The following ESRRB variants were observed in gnomAD, a reference collection of about 807,000 sequenced individuals.
ESRRB encodes the protein steroid hormone receptor ERR2.
ESRRB carries 16 observed loss-of-function variants against 46.0 expected under a neutral mutation model. The observed-to-expected ratio is 0.35, with a 90% CI of 0.24 to 0.53. ESRRB has a LOEUF of 0.53. Ranked by LOEUF, ESRRB falls within the 20% of genes least tolerant of loss-of-function variation. The pLI, the probability that ESRRB is intolerant of heterozygous loss-of-function variation, is 0.93. For synonymous variants in ESRRB, 246 were observed against 259.6 expected, an observed-to-expected ratio of 0.95 and a Z score of 0.50; for missense variants, 488 against 607.4, an observed-to-expected ratio of 0.80 and a Z score of 2.07.
upstream of ESRRB, among the ~76,000 whole-genome samples, chr14:76,372,080 A>G (rs541927183): frequency 1.3e-5 from 2 of 152,272 alleles, no homozygotes; most frequent in South Asian, 2.1e-4. Context: ...GTTAGACTGC[A>G]TATATCATGA....
At chr14:76,421,689 G>A (rs910958633) in intron 1 of ESRRB, among the ~76,000 whole-genome samples, 31 of 152,180 alleles carry the variant, frequency 2.0e-4, no homozygotes, top group Admixed American at 3.9e-4. Context: ...TGAGGTCCCT[G>A]GAGGGCACAG....
chr14:76,442,292 A>G (rs1017978529), intron 2 of ESRRB, among the ~76,000 whole-genome samples: 1 of 152,156 alleles, frequency 6.6e-6, no homozygotes. Context: ...CCTGGCCAAC[A>G]TGGTGAAACC....
intron 1 of ESRRB, among the ~76,000 whole-genome samples, chr14:76,332,968 TTA>T (rs1884056182): frequency 2.3e-5 from 1 of 43,376 alleles, no homozygotes; most frequent in South Asian, 8.8e-4. Flanking sequence ...ATTATATATA[TTA>T]TATATCTATA....
At position 76,499,667 on chromosome 14, in the gene ESRRB, C is replaced by G. The variant is rs1890584826; in HGVS notation, c.*1209C>G. On this transcript the variant is annotated 3_prime_UTR_variant, in exon 7 of 7. Transcript: ENST00000644823. Reference sequence around the variant, plus strand: ...CCTGGGCACCGCGAGCACGCCAGCTCTCTGGCAGGACCCCTGCAGTCCCCC... The same window carrying G: ...CCTGGGCACCGCGAGCACGCCAGCTGTCTGGCAGGACCCCTGCAGTCCCCC... 1 of 652,698 alleles carries G rather than the reference C, an allele frequency of 1.5e-6. No homozygotes were observed. The highest frequency in any genetic ancestry group is 2.8e-6 in the Non-Finnish European group (1 of 361,492). 40.4% of individuals were successfully genotyped at this position (652,698 alleles called of 1,614,324 possible).
intron 1 of ESRRB, among the ~76,000 whole-genome samples, chr14:76,360,002 G>T (rs1056788475): frequency 1.3e-5 from 2 of 152,116 alleles, no homozygotes; most frequent in African/African-American, 4.8e-5. Context: ...TCTGACTTCT[G>T]TAAAGGGGCA....
At chr14:76,408,591 CAAAAAAA>C (rs35955826) in intron 1 of ESRRB, among the ~76,000 whole-genome samples, 850 of 42,122 alleles carry the variant, frequency 0.02, 3 homozygotes, top group African/African-American at 0.066. Context: ...GACCCTGTCT[CAAAAAAA>C]AAAAAAAAAA....
chr14:76,390,651 G>A (rs540116940), intron 1 of ESRRB, among the ~76,000 whole-genome samples: 1 of 152,238 alleles, frequency 6.6e-6, no homozygotes, highest in South Asian at 2.1e-4. Flanking sequence ...TGACGTGCCA[G>A]GTAGAGGAAT....
intron 1 of ESRRB, among the ~76,000 whole-genome samples, chr14:76,346,157 C>T (rs997622294): frequency 6.6e-6 from 1 of 152,128 alleles, no homozygotes; most frequent in Non-Finnish European, 1.5e-5. Flanking sequence ...TGTAAATAAG[C>T]CCGCATTCAC....
chr14:76,447,878 G>C (rs575760110), intron 2 of ESRRB, among the ~76,000 whole-genome samples: 2 of 152,138 alleles, frequency 1.3e-5, no homozygotes, highest in Non-Finnish European at 2.9e-5. Flanking sequence ...TGCCAGGCTC[G>C]GCCGTTCCCA....
chr14:76,440,638 T>C (rs1887881514), intron 2 of ESRRB, among the ~76,000 whole-genome samples: 1 of 151,880 alleles, frequency 6.6e-6, no homozygotes, highest in Admixed American at 6.6e-5. Context: ...TTGACCTATC[T>C]TTTAAGACCT....
At chr14:76,451,782 C>A (rs1888389312) in intron 2 of ESRRB, among the ~76,000 whole-genome samples, 1 of 138,898 alleles carries the variant, frequency 7.2e-6, no homozygotes, top group Middle Eastern at 3.5e-3. Context: ...GCCACCATGC[C>A]CAGCTAATTT....
Position 76,376,515 on chromosome 14 carries a change from T to C in ESRRB, c.50+64T>C. On this transcript the variant is annotated intron_variant, in intron 1 of 6. Transcript: ENST00000644823. The surrounding 1 kb of genome is among the most constrained non-coding windows in gnomAD (Gnocchi z 4.1). ...CGTCTGGCAGTCTCTGTCCTGGGGA[T>C]CGCAGTTCCTTTTCTGCACATTCTT... 1 of 1,152,532 alleles carries C rather than the reference T, an allele frequency of 8.7e-7. No individual in the cohort carries two copies. The highest frequency in any genetic ancestry group is 1.1e-6 in the Non-Finnish European group (1 of 915,604). 71.4% of individuals were successfully genotyped at this position (1,152,532 alleles called of 1,614,324 possible).
At chr14:76,393,221 C>G (rs1377165523) in intron 1 of ESRRB, among the ~76,000 whole-genome samples, 2 of 152,146 alleles carry the variant, frequency 1.3e-5, no homozygotes, top group Non-Finnish European at 2.9e-5. Context: ...ACCCTGTAGG[C>G]TTGTTGTGAG....
chr14:76,371,504 C>T (rs1280992205), upstream of ESRRB: 1 of 152,306 alleles, frequency 6.6e-6, no homozygotes, highest in African/African-American at 2.4e-5. Flanking sequence ...TGCCCTAGCC[C>T]TCACCCTGGG....
chr14:76,484,851 A>G (rs1566612209), intron 5 of ESRRB, among the ~76,000 whole-genome samples: 1 of 152,202 alleles, frequency 6.6e-6, no homozygotes, highest in Non-Finnish European at 1.5e-5. Flanking sequence ...TCGGAGCTTC[A>G]GTGTCCTTGT....
At chr14:76,489,842 C>A (rs938076957) in intron 5 of ESRRB, among the ~76,000 whole-genome samples, 1 of 152,140 alleles carries the variant, frequency 6.6e-6, no homozygotes, top group East Asian at 1.9e-4. Flanking sequence ...AGCTCAGGAC[C>A]ACCCAGGCCT....
At chr14:76,416,964 G>A (rs1047786562) in intron 1 of ESRRB, among the ~76,000 whole-genome samples, 4 of 152,204 alleles carry the variant, frequency 2.6e-5, no homozygotes, top group Non-Finnish European at 5.9e-5. Flanking sequence ...AAGTAAAGCA[G>A]GATAAGATGT....
intron 1 of ESRRB, among the ~76,000 whole-genome samples, chr14:76,410,539 G>A (rs1338401084): frequency 6.6e-6 from 1 of 152,124 alleles, no homozygotes; most frequent in Admixed American, 6.5e-5. Context: ...AACCTGCAGA[G>A]GAAACTTGGT....
chr14:76,417,217 G>A (rs1886744626), intron 1 of ESRRB, among the ~76,000 whole-genome samples: 1 of 152,214 alleles, frequency 6.6e-6, no homozygotes, highest in South Asian at 2.1e-4. Flanking sequence ...TGACATCTCA[G>A]CAGAGACCTG....
Sources: allele counts gnomAD v4.1 joint callset (sites outside exome capture counted in the v4.1 genomes callset), GRCh38; gene constraint gnomAD v4.1.1; non-coding constraint Gnocchi (gnomAD v3.1); transcripts MANE v1.5; gene names NCBI Gene and HGNC (gene_info 2026-07-23, HGNC 2026-07-21).